The following MED13 variants were observed in gnomAD, a reference collection of about 807,000 sequenced individuals.
MED13 encodes mediator complex subunit 13, also known as mediator of RNA polymerase II transcription subunit 13.
A neutral mutation model predicts 225.2 loss-of-function variants in MED13; 23 were observed. That is an observed-to-expected ratio of 0.10 (90% confidence interval 0.07 to 0.14). MED13 has a LOEUF of 0.14. Among genes scored for constraint, MED13 ranks in the 10% least tolerant of loss-of-function variants. MED13 has a pLI of 1.00. For missense variants in MED13, 2,197 were observed against 2,594.5 expected (o/e 0.85, Z 3.33); for synonymous variants, 942 against 889.2 (o/e 1.06, Z -1.06).
chr17:62,065,091 C>T (rs766363159), intron 1 of MED13, 49 bp downstream of exon 1: 2 of 1,484,878 alleles, frequency 1.3e-6, no homozygotes, highest in Non-Finnish European at 1.8e-6. Flanking sequence ...GGCCCAAGGG[C>T]GCACCTCGCG....
chr17:62,000,448 G>A (rs768930603), intron 9 of MED13, among the ~76,000 whole-genome samples: 9 of 152,162 alleles, frequency 5.9e-5, no homozygotes, highest in African/African-American at 1.4e-4. Flanking sequence ...ACATGTTTAC[G>A]ATGTACTCAC....
intron 28 of MED13, among the ~76,000 whole-genome samples, chr17:61,948,656 C>T (rs1257412029): frequency 6.6e-6 from 1 of 151,778 alleles, no homozygotes; most frequent in Non-Finnish European, 1.5e-5. Context: ...AAATCCCTGA[C>T]CTCAGGTGAT....
chr17:62,047,347 G>A (rs1313228977), intron 3 of MED13, among the ~76,000 whole-genome samples: 1 of 152,112 alleles, frequency 6.6e-6, no homozygotes, highest in Non-Finnish European at 1.5e-5. Flanking sequence ...CTCCACCCTG[G>A]GCGATAGAGC....
At chr17:61,947,471 G>A (rs781237339) in intron 28 of MED13, among the ~76,000 whole-genome samples, 12 of 152,180 alleles carry the variant, frequency 7.9e-5, no homozygotes, top group Admixed American at 2.0e-4. Context: ...GATGTGCAAA[G>A]TAAATGTTTA....
chr17:61,986,832 C>G (rs1447288311), intron 12 of MED13, among the ~76,000 whole-genome samples, 175 bp downstream of exon 12: 1 of 152,112 alleles, frequency 6.6e-6, no homozygotes, highest in Non-Finnish European at 1.5e-5. Flanking sequence ...GACACTATGG[C>G]AAGACTACTC....
chr17:61,984,413 G>T, intron 14 of MED13, 46 bp from the exon 15 acceptor site: 1 of 1,377,188 alleles, frequency 7.3e-7, no homozygotes, highest in South Asian at 1.6e-5. Flanking sequence ...TCTTCTAGGA[G>T]GAAAAAATAA....
intron 26 of MED13, 57 bp downstream of exon 26, chr17:61,955,325 C>A: frequency 7.4e-7 from 1 of 1,349,042 alleles, no homozygotes; most frequent in Non-Finnish European, 9.9e-7. Flanking sequence ...AGGTATTGGA[C>A]ATGAATTTAT....
At chr17:61,948,863 G>A (rs1441743840) in intron 28 of MED13, among the ~76,000 whole-genome samples, 1 of 151,252 alleles carries the variant, frequency 6.6e-6, no homozygotes, top group Non-Finnish European at 1.5e-5. Flanking sequence ...GAGGCGGGCG[G>A]ATCACGAGGT....
intron 11 of MED13, among the ~76,000 whole-genome samples, chr17:61,991,619 T>C (rs1206219969): frequency 2.6e-5 from 4 of 152,188 alleles, no homozygotes; most frequent in African/African-American, 7.2e-5. Context: ...AGCATTCTCC[T>C]GCCTCAGCCT....
At chr17:61,963,770 A>G (rs1237315527) in intron 20 of MED13, among the ~76,000 whole-genome samples, 2 of 152,202 alleles carry the variant, frequency 1.3e-5, no homozygotes, top group Non-Finnish European at 2.9e-5. Flanking sequence ...ACATATGAGT[A>G]TAATTTTGGG....
chr17:62,002,489 C>CAAAAAAAAA (rs35736875), intron 9 of MED13, among the ~76,000 whole-genome samples: 1 of 50,638 alleles, frequency 2.0e-5, no homozygotes, highest in African/African-American at 5.0e-5. Context: ...AACTCCATCT[C>CAAAAAAAAA]AAAAAAAAAA....
In MED13 at chr17:61,944,793, A is replaced by G. The variant is rs775622246; in HGVS notation, c.*1675T>C. On this transcript the variant is annotated 3_prime_UTR_variant, in exon 30 of 30. Transcript: ENST00000397786. ...GAAATTTTGCTAGACTGCTTCCAAG[A>G]AAGCTAGGTAGACTCGGCGACTGTG... The G allele has an allele frequency of 6.6e-6, 1 of 152,658 alleles. No homozygotes were observed. The highest frequency in any genetic ancestry group is 2.1e-4 in the South Asian group (1 of 4,838). The allele number at this position is 152,658 out of a possible 1,614,324, so 9.5% of individuals were successfully genotyped here.
chr17:62,033,357 A>C (rs532640583), intron 5 of MED13, among the ~76,000 whole-genome samples: 17 of 152,230 alleles, frequency 1.1e-4, no homozygotes, highest in Middle Eastern at 3.4e-3. Context: ...ATTCATTCAC[A>C]ATTAACTGTC....
At chr17:62,000,194 G>A (rs1440434222) in intron 9 of MED13, among the ~76,000 whole-genome samples, 1 of 152,194 alleles carries the variant, frequency 6.6e-6, no homozygotes, top group African/African-American at 2.4e-5. Flanking sequence ...AGAAAATGGA[G>A]TTTCACTTAA....
chr17:62,047,726 A>G (rs1363792194), intron 3 of MED13, among the ~76,000 whole-genome samples: 1 of 151,930 alleles, frequency 6.6e-6, no homozygotes, highest in East Asian at 1.9e-4. Context: ...AAAAATAAAC[A>G]AACAAATAAA....
chr17:62,027,455 T>TA (rs1368628226), intron 8 of MED13, among the ~76,000 whole-genome samples: 6 of 152,082 alleles, frequency 3.9e-5, no homozygotes, highest in Non-Finnish European at 8.8e-5. Flanking sequence ...GACTGAAATG[T>TA]AAAACCCAAA....
rs1603392310 is a variant in MED13 at position 61,962,795 on chromosome 17, A to G, written c.5021T>C (p.Val1674Ala). 9 of 1,614,052 alleles carry G rather than the reference A, an allele frequency of 5.6e-6. No individual in the cohort carries two copies. The East Asian group carries it at 1.6e-4, about 28-fold the overall frequency. Residue 1674 changes from valine to alanine, a missense_variant, in exon 21 of 30, where the codon GTC becomes GCC. Transcript: ENST00000397786. ...CTTGATATGAGGAGGAAGAGTCTGG[A>G]CCATTTCTAGAAAGCATCGAAGTAG... is the stretch of plus-strand genomic sequence containing the variant. ...LGLLRCFLEM[V>A]QTLPPHIKST...
chr17:61,956,312 T>C (rs1567940635), intron 24 of MED13, 27 bp downstream of exon 24: 1 of 1,596,574 alleles, frequency 6.3e-7, no homozygotes, highest in South Asian at 1.1e-5. Flanking sequence ...AACGGAAATA[T>C]AAATACTAAT....
intron 27 of MED13, 107 bp from the exon 28 acceptor site, chr17:61,951,105 G>T: frequency 1.2e-6 from 1 of 800,536 alleles, no homozygotes; most frequent in Non-Finnish European, 1.8e-6. Flanking sequence ...TTATGACATC[G>T]ATTTAATAAA....
Sources: gnomAD v4.1 joint callset for allele counts (sites outside exome capture counted in the v4.1 genomes callset) on GRCh38, gnomAD v4.1.1 for gene constraint, MANE v1.5 for transcripts, NCBI Gene and HGNC (gene_info 2026-07-23, HGNC 2026-07-21) for gene names.